Variants in IQSEC2 observed in about 807,000 individuals in gnomAD.
The protein encoded by IQSEC2 is IQ motif and Sec7 domain ArfGEF 2.
Under a neutral mutation model 74.6 loss-of-function variants are expected in IQSEC2, and 6 were observed. The ratio of observed to expected loss-of-function variants is 0.08; its 90% confidence interval spans 0.04 to 0.16. The LOEUF is 0.16. Ranked by LOEUF, IQSEC2 falls within the 10% of genes least tolerant of loss-of-function variation. The probability of loss-of-function intolerance (pLI) is 1.00; values close to 1 mark genes in which losing one functional copy is unlikely to be tolerated. For missense variants in IQSEC2, 734 were observed against 1,306.2 expected, an observed-to-expected ratio of 0.56 and a Z score of 6.75; for synonymous variants, 494 against 544.5, an observed-to-expected ratio of 0.91 and a Z score of 1.29.
intron 1 of IQSEC2, among the ~76,000 whole-genome samples, chrX:53,306,740 G>A (rs782800717): frequency 1.8e-5 from 2 of 111,672 alleles, no homozygotes; most frequent in Non-Finnish European, 3.8e-5. Context: ...AGGAGGATGG[G>A]AGAGGGTGAG....
At chrX:53,284,044 G>A (rs1556871351) in intron 2 of IQSEC2, among the ~76,000 whole-genome samples, 1 of 111,297 alleles carries the variant, frequency 9.0e-6, no homozygotes, top group African/African-American at 3.3e-5. Flanking sequence ...TGGGGGCCCA[G>A]CATGCAGAGC....
At position 53,254,527 on chromosome X, in the gene IQSEC2, G is replaced by T. The variant is rs377593679; in HGVS notation, c.1401+3C>A. 2.2e-5 allele frequency: 26 copies of T among 1,196,081 alleles called. No homozygotes were observed. The highest frequency in any genetic ancestry group is 2.9e-5 in the Non-Finnish European group (26 of 889,288). On this transcript the variant is annotated splice_donor_region_variant and intron_variant, in intron 4 of 14. Coordinates refer to ENST00000642864, the MANE Select transcript of IQSEC2 (RefSeq NM_001111125.3). ...AAGAAAGGTCCTTTTCAGGGATCCT[G>T]ACCTGTTTGGAGAAGGAGTCCTCAA...
chrX:53,273,934 T>A (rs1461330984), intron 2 of IQSEC2, among the ~76,000 whole-genome samples: 1 of 112,776 alleles, frequency 8.9e-6, no homozygotes, highest in African/African-American at 3.2e-5. Context: ...TCTTGAAGGT[T>A]AAGATTCTTA....
intron 4 of IQSEC2, among the ~76,000 whole-genome samples, chrX:53,252,523 G>A (rs782709745): frequency 3.6e-5 from 4 of 111,542 alleles, no homozygotes; most frequent in Non-Finnish European, 7.5e-5. Flanking sequence ...GGGGAAAGCC[G>A]CATCACGAAC....
intron 2 of IQSEC2, among the ~76,000 whole-genome samples, chrX:53,288,026 C>T (rs1250798365): frequency 4.5e-5 from 5 of 111,561 alleles, no homozygotes; most frequent in Admixed American, 2.9e-4. Context: ...CTGCAGCAAC[C>T]CCAGACTGTG....
chrX:53,294,925 C>T (rs1386291950), intron 1 of IQSEC2, among the ~76,000 whole-genome samples: 3 of 111,879 alleles, frequency 2.7e-5, no homozygotes, highest in African/African-American at 9.8e-5. Context: ...CAGGTTCAAG[C>T]GATTCTCCTG....
Position 53,234,268 on chromosome X carries a change from G to T in IQSEC2, c.4418C>A (p.Pro1473His). The change falls in exon 15 of 15, where the codon CCC becomes CAC. Residue 1473 changes from proline (P) to histidine (H), a missense_variant. Physicochemically the swap from Pro to His is moderately conservative, Grantham distance 77. Around this residue, in one of 12 missense-constraint regions of IQSEC2, gnomAD observed 38 missense variants for 36.7 expected, o/e 1.04. Coordinates refer to ENST00000642864, the MANE Select transcript of IQSEC2 (RefSeq NM_001111125.3). Reference sequence around the variant, plus strand: ...TGGCTTGGCCTTGGGGTTTGCACTGGGGGGGTTGGCTGTGCCAGGGGGCCC... The same window carrying T: ...TGGCTTGGCCTTGGGGTTTGCACTGTGGGGGTTGGCTGTGCCAGGGGGCCC... ...ASGPPGTANP[P>H]SANPKAKPSR... 9.3e-7 allele frequency: 1 copy of T among 1,080,461 alleles called. No individual in the cohort carries two copies. The highest frequency in any genetic ancestry group is 2.5e-5 in the South Asian group (1 of 40,643). The allele number at this position is 1,080,461 out of a possible 1,213,427, so 89.0% of individuals were successfully genotyped here.
At chrX:53,316,425 C>T (rs1556879090) in intron 1 of IQSEC2, among the ~76,000 whole-genome samples, 1 of 111,468 alleles carries the variant, frequency 9.0e-6, no homozygotes, top group African/African-American at 3.3e-5. Flanking sequence ...TCTCCCTGGG[C>T]TCACTGTCTC....
Position 53,233,484 on chromosome X carries a change from C to G in IQSEC2, c.*735G>C, listed in dbSNP as rs182469318. 1.8e-4 allele frequency: 22 copies of G among 122,044 alleles called. 1 individual carries two copies. Among genetic ancestry groups the G allele is most frequent in the Admixed American group, 3.6e-4 (4 of 10,961 alleles). The allele number at this position is 122,044 out of a possible 1,213,427, so 10.1% of individuals were successfully genotyped here. On this transcript the variant is annotated 3_prime_UTR_variant, in exon 15 of 15. Transcript: ENST00000642864. ...TTCTCATCCCAGACCTGAGCCCCCC[C>G]CAAAACCTGTCTGGACTTTGATCAG...
intron 4 of IQSEC2, among the ~76,000 whole-genome samples, chrX:53,252,869 A>T: frequency 8.9e-6 from 1 of 112,305 alleles, no homozygotes; most frequent in South Asian, 3.7e-4. Context: ...TAGCACTCAG[A>T]GCTGGGACCA....
intron 1 of IQSEC2, among the ~76,000 whole-genome samples, chrX:53,304,524 G>C (rs1362214976): frequency 2.7e-5 from 3 of 112,370 alleles, no homozygotes; most frequent in South Asian, 7.4e-4. Flanking sequence ...TGATGACAAT[G>C]ATGAGGAAGA....
intron 8 of IQSEC2, among the ~76,000 whole-genome samples, chrX:53,245,298 C>T (rs1402361359): frequency 9.2e-6 from 1 of 109,258 alleles, no homozygotes; most frequent in Non-Finnish European, 1.9e-5. Context: ...CATGGTGGCA[C>T]GCGCCTATAG....
At chrX:53,282,994 T>A (rs11091726) in intron 2 of IQSEC2, among the ~76,000 whole-genome samples, 6,833 of 110,627 alleles carry the variant, frequency 0.062, 524 homozygotes, top group African/African-American at 0.21. Context: ...GGACGGTGGA[T>A]CACCTGAGCT....
chrX:53,292,875 A>G (rs191747106), intron 1 of IQSEC2, among the ~76,000 whole-genome samples: 139 of 111,794 alleles, frequency 1.2e-3, no homozygotes, highest in Non-Finnish European at 2.1e-3. Context: ...GGGAAGGGGC[A>G]GAGGAGGACC....
intron 4 of IQSEC2, 55 bp from the exon 5 acceptor site, chrX:53,251,229 A>C: frequency 9.0e-7 from 1 of 1,108,069 alleles, no homozygotes; most frequent in Non-Finnish European, 1.2e-6. Flanking sequence ...AGAAAGATAA[A>C]GGGAAGAATG....
intron 14 of IQSEC2, 117 bp from the exon 15 acceptor site, chrX:53,235,301 T>A: frequency 1.0e-6 from 1 of 956,382 alleles, no homozygotes; most frequent in South Asian, 2.3e-5. Flanking sequence ...CAAGTTGTAA[T>A]AAAAACCAAA....
chrX:53,281,584 C>G (rs1223328267), intron 2 of IQSEC2: 1 of 1,108,339 alleles, frequency 9.0e-7, no homozygotes, highest in African/African-American at 1.8e-5. Flanking sequence ...CGTGTCACCA[C>G]CCCCTCCTCC....
intron 3 of IQSEC2, among the ~76,000 whole-genome samples, chrX:53,255,215 T>A: frequency 9.5e-6 from 1 of 105,686 alleles, no homozygotes. Flanking sequence ...AAGGTAGAAA[T>A]AAATGGAGAG....
intron 2 of IQSEC2, among the ~76,000 whole-genome samples, chrX:53,270,448 G>T (rs1359505850): frequency 9.1e-6 from 1 of 110,393 alleles, no homozygotes; most frequent in Non-Finnish European, 1.9e-5. Flanking sequence ...CTTCTATCTG[G>T]AACATCGTCC....
Sources: gnomAD v4.1 joint callset for allele counts (sites outside exome capture counted in the v4.1 genomes callset) on GRCh38, gnomAD v4.1.1 for gene constraint, gnomAD v4.1.1 regional missense constraint, MANE v1.5 for transcripts, NCBI Gene and HGNC (gene_info 2026-07-23, HGNC 2026-07-21) for gene names.